PCNX2: variants seen among roughly 807,000 people sequenced by gnomAD.
PCNX2 encodes the protein pecanex 2.
PCNX2 carries 168 observed loss-of-function variants against 223.8 expected under a neutral mutation model. That is an observed-to-expected ratio of 0.75 (90% CI 0.66 to 0.85). The LOEUF is 0.85. Ranked by LOEUF, PCNX2 falls within the 40% of genes least tolerant of loss-of-function variation. The probability of loss-of-function intolerance (pLI) is 0.00; values close to 1 mark genes in which losing one functional copy is unlikely to be tolerated. For missense variants in PCNX2, 2,507 were observed against 2,675.5 expected (o/e 0.94, Z 1.39); for synonymous variants, 1,006 against 1,052.6 (o/e 0.96, Z 0.86).
rs531220775 is a variant in PCNX2 at position 233,289,384 on chromosome 1, G to A, written c.153+5942C>T. 85 of 1,332,968 alleles carry A rather than the reference G, an allele frequency of 6.4e-5. No homozygotes were observed. In the East Asian group the frequency reaches 1.1e-3, roughly 18 times the overall value. 82.6% of individuals were successfully genotyped at this position (1,332,968 alleles called of 1,614,324 possible). ...AGCTCCAGAAGAGCCTGGGAGATGC[G>A]GGACTCGAACTCGTCCGGCTTCTCG... On this transcript the variant is annotated intron_variant, in intron 1 of 33. Coordinates refer to ENST00000258229, the MANE Select transcript of PCNX2 (RefSeq NM_014801.4).
At chr1:233,137,971 G>A (rs947846738) in intron 20 of PCNX2, among the ~76,000 whole-genome samples, 9 of 152,214 alleles carry the variant, frequency 5.9e-5, no homozygotes, top group African/African-American at 2.2e-4. Flanking sequence ...AAATCACAGG[G>A]AGGGGCTGGG....
chr1:233,018,897 GA>G (rs1186708101), intron 26 of PCNX2: 1 of 985,326 alleles, frequency 1.0e-6, no homozygotes, highest in Non-Finnish European at 1.2e-6. Context: ...TTTTAAGTGA[GA>G]AAGCAGAAAA....
At chr1:233,249,739 C>G (rs1438992156) in intron 8 of PCNX2, among the ~76,000 whole-genome samples, 1 of 152,194 alleles carries the variant, frequency 6.6e-6, no homozygotes, top group African/African-American at 2.4e-5. Flanking sequence ...AGAGCCATCA[C>G]CTACGGTTCC....
the PCNX2 span, among the ~76,000 whole-genome samples, chr1:233,312,747 AAG>A: frequency 1.3e-5 from 2 of 152,200 alleles, no homozygotes; most frequent in East Asian, 1.9e-4. Flanking sequence ...TAAAACTCCA[AAG>A]AGAGTTCATC....
rs766208211 is a variant in PCNX2, at chr1:233,179,150, G to A, written c.3092C>T (p.Pro1031Leu). 9.9e-6 allele frequency: 16 copies of A among 1,613,682 alleles called. No individual in the cohort carries two copies. The Admixed American group carries it at 1.5e-4, about 15-fold the overall frequency. The change falls in exon 16 of 34, where the codon CCG (proline) becomes CTG (leucine). Residue 1031 changes from proline (P) to leucine (L), a missense_variant. Physicochemically the swap from Pro to Leu is moderately conservative, Grantham distance 98. Around this residue, in one of 3 missense-constraint regions of PCNX2, gnomAD observed 1,372 missense variants for 1,509.4 expected, o/e 0.91. Transcript: ENST00000258229. ...VKEPWSMQHI[P>L]ALFSAFCGLL... is the part of the protein sequence containing the mutation. ...GCCACAGAAGGCCGAAAACAGTGCC[G>A]GGATGTGTTGCATGCTCCACGGTTC...
chr1:233,089,180 TA>T (rs1673749667), intron 23 of PCNX2, among the ~76,000 whole-genome samples: 2 of 117,308 alleles, frequency 1.7e-5, no homozygotes, highest in Admixed American at 1.6e-4. Context: ...CTGCAAAATG[TA>T]AACAAATTAC....
chr1:233,164,539 A>C (rs1348111048), intron 17 of PCNX2, among the ~76,000 whole-genome samples: 1 of 151,988 alleles, frequency 6.6e-6, no homozygotes, highest in African/African-American at 2.4e-5. Flanking sequence ...AATCAATCTA[A>C]GTGGCCATAA....
At chr1:233,033,887 A>G (rs1173436848) in intron 25 of PCNX2, among the ~76,000 whole-genome samples, 1 of 152,112 alleles carries the variant, frequency 6.6e-6, no homozygotes, top group Non-Finnish European at 1.5e-5. Flanking sequence ...AAATTAATGT[A>G]TTGAAACCCT....
At chr1:233,095,137 A>G (rs1674082972) in intron 22 of PCNX2, among the ~76,000 whole-genome samples, 2 of 152,178 alleles carry the variant, frequency 1.3e-5, no homozygotes, top group South Asian at 2.1e-4. Context: ...CTTAGCTATC[A>G]ATGTCAAAGT....
At chr1:233,185,988 C>A (rs917495459) in intron 15 of PCNX2, among the ~76,000 whole-genome samples, 1 of 152,128 alleles carries the variant, frequency 6.6e-6, no homozygotes, top group Admixed American at 6.5e-5. Flanking sequence ...AATTATCTGA[C>A]GAGAATGCAT....
chr1:233,179,181 G>A lies in PCNX2; in HGVS notation c.3067-6C>T, dbSNP rs779480796. Reference sequence around the variant, plus strand: ...TGTTGCATGCTCCACGGTTCCTAAAGAAAAGACATCAGTTAGCCAAGTCAC... The same window carrying A: ...TGTTGCATGCTCCACGGTTCCTAAAAAAAAGACATCAGTTAGCCAAGTCAC... On this transcript the variant is annotated splice_polypyrimidine_tract_variant and splice_region_variant and intron_variant, in intron 15 of 33. Transcript: ENST00000258229. 4 of 1,613,386 alleles carry A rather than the reference G, an allele frequency of 2.5e-6. No homozygotes were observed. Among genetic ancestry groups the A allele is most frequent in the Non-Finnish European group, 3.4e-6 (4 of 1,179,640 alleles).
rs867590782 is a variant in PCNX2, at chr1:233,182,654, G to A, written c.3067-3479C>T. 3.9e-5 allele frequency among the ~76,000 whole-genome samples: 6 copies of A among 152,080 alleles called. No homozygotes were observed. In the East Asian group the frequency reaches 5.8e-4, roughly 15 times the overall value. On this transcript the variant is annotated intron_variant, in intron 15 of 33. Transcript: ENST00000258229. ...TAGGATATACACAGCAGCAAAACCC[G>A]AAAGAGGAATTGCTCCCTGCCCTCC... is the stretch of plus-strand genomic sequence containing the variant.
intron 1 of PCNX2, chr1:233,290,864 A>G: frequency 3.0e-6 from 3 of 985,446 alleles, no homozygotes; most frequent in Non-Finnish European, 3.6e-6. Flanking sequence ...TCTGTCCACA[A>G]GCGGGGAAAG....
chr1:233,134,729 A>G (rs909739245), intron 21 of PCNX2: 11 of 476,664 alleles, frequency 2.3e-5, no homozygotes, highest in Non-Finnish European at 4.0e-5. Context: ...GATCTAGGGA[A>G]ATCTTACAAT....
intron 23 of PCNX2, 168 bp from the exon 24 acceptor site, chr1:233,057,458 T>A: frequency 1.6e-6 from 1 of 613,586 alleles, no homozygotes; most frequent in Non-Finnish European, 3.0e-6. Context: ...AGTCTCATGA[T>A]AAGAGATAGA....
chr1:233,125,430 C>T lies in PCNX2; in HGVS notation c.3837+9583G>A, dbSNP rs552192593. On this transcript the variant is annotated intron_variant, in intron 21 of 33. Coordinates refer to ENST00000258229, the MANE Select transcript of PCNX2 (RefSeq NM_014801.4). ...TCCTCTTGACCCAGCAAGTCCAATC[C>T]CGGCGGTCTATGCTTCTAAAACACT... 9.9e-5 allele frequency among the ~76,000 whole-genome samples: 15 copies of T among 152,192 alleles called. No individual in the cohort carries two copies. The South Asian group carries it at 2.9e-3, about 29-fold the overall frequency.
upstream of PCNX2, among the ~76,000 whole-genome samples, chr1:233,297,231 TG>T (rs1339070568): frequency 6.6e-6 from 1 of 152,248 alleles, no homozygotes; most frequent in African/African-American, 2.4e-5. Context: ...ACATGGAGGT[TG>T]TGTCCTTGTT....
At chr1:233,103,421 C>T (rs1268902303) in intron 21 of PCNX2, among the ~76,000 whole-genome samples, 1 of 151,992 alleles carries the variant, frequency 6.6e-6, no homozygotes, top group East Asian at 1.9e-4. Context: ...CCACCTCCTC[C>T]CAATGTGCCC....
At position 233,295,437 on chromosome 1, in the gene PCNX2, CCACA is replaced by C; in HGVS notation, c.38_41del (p.Val13GlyfsTer54). ...GGTACCAGCCCCCGGTGAGCGCGGC[CCACA>C]CGCCCTGCCGGAGCAGCTGCAGCAC... On this transcript the variant is annotated frameshift_variant, in exon 1 of 34. Coordinates refer to ENST00000258229, the MANE Select transcript of PCNX2 (RefSeq NM_014801.4). LOFTEE classifies it high-confidence loss of function. This position sits in a 1 kb window ranked among gnomAD's most constrained non-coding sequence, Gnocchi z 4.1. 6.4e-7 allele frequency: 1 copy of C among 1,551,558 alleles called. No homozygotes were observed. The highest frequency in any genetic ancestry group is 2.4e-5 in the East Asian group (1 of 40,916).
Sources: allele counts gnomAD v4.1 joint callset (sites outside exome capture counted in the v4.1 genomes callset), GRCh38; gene constraint gnomAD v4.1.1; regional missense constraint gnomAD v4.1.1; non-coding constraint Gnocchi (gnomAD v3.1); transcripts MANE v1.5; gene names NCBI Gene and HGNC (gene_info 2026-07-23, HGNC 2026-07-21).